Variants in KIZ observed in about 807,000 individuals in gnomAD.
The protein encoded by KIZ is kizuna centrosomal protein, also known as centrosomal protein kizuna.
KIZ carries 68 observed loss-of-function variants against 79.6 expected under a neutral mutation model. The ratio of observed to expected loss-of-function variants is 0.85; its 90% confidence interval spans 0.70 to 1.05. KIZ has a LOEUF of 1.05. Ranked by LOEUF, KIZ falls within the 50% of genes least tolerant of loss-of-function variation. The pLI is 0.00. For synonymous variants in KIZ, 280 were observed against 281.8 expected, an observed-to-expected ratio of 0.99 and a Z score of 0.06; for missense variants, 797 against 800.4, an observed-to-expected ratio of 1.00 and a Z score of 0.05.
intron 6 of KIZ, among the ~76,000 whole-genome samples, chr20:21,164,739 G>A (rs1207374465): frequency 6.6e-6 from 1 of 151,464 alleles, no homozygotes; most frequent in Non-Finnish European, 1.5e-5. Flanking sequence ...GATCTTGGAG[G>A]CATAAAGTCA....
chr20:21,130,907 C>A (rs1176712821), intron 1 of KIZ, among the ~76,000 whole-genome samples: 1 of 152,204 alleles, frequency 6.6e-6, no homozygotes, highest in Non-Finnish European at 1.5e-5. Context: ...GAGCATGGGG[C>A]CAGCCCCTTT....
intron 9 of KIZ, among the ~76,000 whole-genome samples, chr20:21,217,108 T>C (rs955592847): frequency 1.3e-5 from 2 of 152,208 alleles, no homozygotes; most frequent in African/African-American, 4.8e-5. Flanking sequence ...AAAAAATGCC[T>C]TGTGCCAGAA....
At chr20:21,138,926 CTTTTTTTTTTTT>C (rs35551816) in intron 3 of KIZ, 4 of 95,450 alleles carry the variant, frequency 4.2e-5, no homozygotes, top group Non-Finnish European at 8.3e-5. Flanking sequence ...CTTTCAACCT[CTTTTTTTTTTTT>C]TTTTTTTTTT....
At chr20:21,141,109 C>G (rs1416892516) in intron 3 of KIZ, among the ~76,000 whole-genome samples, 1 of 152,062 alleles carries the variant, frequency 6.6e-6, no homozygotes, top group Non-Finnish European at 1.5e-5. Flanking sequence ...TCATTCTGCC[C>G]CCCTACTCCC....
chr20:21,215,522 C>T, intron 8 of KIZ, 61 bp from the exon 9 acceptor site: 1 of 965,902 alleles, frequency 1.0e-6, no homozygotes, highest in African/African-American at 1.7e-5. Context: ...AGGACAAACA[C>T]CCAAAGGATC....
intron 9 of KIZ, chr20:21,226,272 C>T (rs2036650115): frequency 6.6e-6 from 1 of 152,396 alleles, no homozygotes; most frequent in African/African-American, 2.4e-5. Flanking sequence ...GCTGCTCCTG[C>T]CTGGCCATAG....
At chr20:21,223,436 G>A (rs7269451) in intron 9 of KIZ, among the ~76,000 whole-genome samples, 16 of 152,164 alleles carry the variant, frequency 1.1e-4, no homozygotes, top group African/African-American at 2.9e-4. Flanking sequence ...TGCATCAGCC[G>A]TCTTCCTGAG....
Position 21,192,504 on chromosome 20 carries a change from A to C in KIZ, c.1353-12987A>C, listed in dbSNP as rs1052681023. On this transcript the variant is annotated intron_variant, in intron 6 of 12. Transcript: ENST00000619189. ...TAAAATTTTATTCTGGATGTGATCA[A>C]CTACAGTGCTCTGTGACCTTCAGTC... is the stretch of plus-strand genomic sequence containing the variant. 3.9e-5 allele frequency among the ~76,000 whole-genome samples: 6 copies of C among 152,112 alleles called. No individual in the cohort carries two copies. In the South Asian group the frequency reaches 8.3e-4, roughly 21 times the overall value.
intron 7 of KIZ, among the ~76,000 whole-genome samples, chr20:21,213,164 G>T (rs1266068548): frequency 1.3e-5 from 2 of 152,230 alleles, no homozygotes; most frequent in African/African-American, 4.8e-5. Flanking sequence ...CAAGAACTCT[G>T]CAGGGAAGTC....
intron 2 of KIZ, among the ~76,000 whole-genome samples, chr20:21,134,051 A>G (rs2032016697): frequency 6.6e-6 from 1 of 152,202 alleles, no homozygotes; most frequent in Admixed American, 6.5e-5. Flanking sequence ...AGGCAGAGGC[A>G]GAGGCAGACG....
At chr20:21,161,817 C>T in intron 4 of KIZ, 54 bp from the exon 5 acceptor site, 1 of 1,285,864 alleles carries the variant, frequency 7.8e-7, no homozygotes, top group Non-Finnish European at 1.1e-6. Context: ...AAAAAAACCC[C>T]ACCTAATTGT....
At chr20:21,221,944 A>G (rs764454183) in intron 9 of KIZ, among the ~76,000 whole-genome samples, 1 of 152,058 alleles carries the variant, frequency 6.6e-6, no homozygotes, top group Non-Finnish European at 1.5e-5. Context: ...TCCTGACAAG[A>G]CTCAGTCAAG....
At chr20:21,133,562 T>G (rs890977796) in intron 2 of KIZ, among the ~76,000 whole-genome samples, 3 of 152,262 alleles carry the variant, frequency 2.0e-5, no homozygotes, top group African/African-American at 7.2e-5. Context: ...TTCACTGAGC[T>G]GCTGCTTCTC....
intron 10 of KIZ, among the ~76,000 whole-genome samples, chr20:21,231,966 A>G (rs2036848749): frequency 6.6e-6 from 1 of 152,218 alleles, no homozygotes; most frequent in South Asian, 2.1e-4. Flanking sequence ...TTTTTAAAAT[A>G]ATCACTTTGC....
At position 21,162,401 on chromosome 20, in the gene KIZ, G is replaced by A. The variant is rs1312834125; in HGVS notation, c.936G>A (p.Glu312=). The A allele has an allele frequency of 1.9e-6, 3 of 1,613,074 alleles. No individual in the cohort carries two copies. The change falls in exon 5 of 13, where the codon GAG becomes GAA. Residue 312 remains glutamate, a synonymous_variant. Coordinates refer to ENST00000619189, the MANE Select transcript of KIZ (RefSeq NM_018474.6). ...TGACACGGGAACATATTGAAGTTGA[G>A]GAAAAAAGAGCCAGCCCGCCAGTCT... The part of the protein sequence containing the change: ...EILTREHIEV[E]EKRASPPVSP...
At chr20:21,171,139 T>C (rs1025037637) in intron 6 of KIZ, among the ~76,000 whole-genome samples, 1 of 152,256 alleles carries the variant, frequency 6.6e-6, no homozygotes, top group East Asian at 1.9e-4. Context: ...AAAAGGTGTT[T>C]AGTGGTATGC....
In KIZ at chr20:21,214,722, G is replaced by T. The variant is rs543909676; in HGVS notation, c.1612+22G>T. On this transcript the variant is annotated intron_variant, in intron 8 of 12. Transcript: ENST00000619189. Reference sequence around the variant, plus strand: ...CAAGGTAACTATTGTTAAAGTGTGTGTCCACAGCAAAAAGGCATTCAGGGT... The same window carrying T: ...CAAGGTAACTATTGTTAAAGTGTGTTTCCACAGCAAAAAGGCATTCAGGGT... 27 of 1,574,636 alleles carry T rather than the reference G, an allele frequency of 1.7e-5. No homozygotes were observed. The South Asian group carries it at 3.0e-4, about 18-fold the overall frequency.
chr20:21,154,297 C>G lies in KIZ; in HGVS notation c.406-7574C>G, dbSNP rs1293625529. The G allele has an allele frequency of 2.6e-5, 4 of 152,238 alleles. No individual in the cohort carries two copies. In the East Asian group the frequency reaches 7.7e-4, roughly 29 times the overall value. 9.4% of individuals were successfully genotyped at this position (152,238 alleles called of 1,614,324 possible). A position where few individuals can be genotyped will look rare whatever the true frequency, so the allele number is the denominator to read the frequency against. ...AAGTATACTAGTGGTTGAGGTCTGC[C>G]TTTAAATGCTGTAGTTCATAATGAT... On this transcript the variant is annotated intron_variant, in intron 4 of 12. Transcript: ENST00000619189.
At chr20:21,166,278 T>C in intron 6 of KIZ, 1 of 1,601,548 alleles carries the variant, frequency 6.2e-7, no homozygotes, top group South Asian at 1.1e-5. Context: ...TGATGCCAGC[T>C]GAGGTTGTCA....
Sources: allele counts gnomAD v4.1 joint callset (sites outside exome capture counted in the v4.1 genomes callset), GRCh38; gene constraint gnomAD v4.1.1; transcripts MANE v1.5; gene names NCBI Gene and HGNC (gene_info 2026-07-23, HGNC 2026-07-21).